Variants in DMD observed in about 807,000 individuals in gnomAD.
The protein encoded by DMD is mutant dystrophin.
In DMD, 63 loss-of-function variants were observed where a neutral mutation model predicts 330.1. That is an observed-to-expected ratio of 0.19 (90% CI 0.16 to 0.24). The LOEUF is 0.24. Among genes scored for constraint, DMD ranks in the 10% least tolerant of loss-of-function variants. The pLI is 1.00. For missense variants in DMD, 3,344 were observed against 2,684.1 expected (o/e 1.25, Z -5.43); for synonymous variants, 1,223 against 959.8 (o/e 1.27, Z -5.07).
intron 60 of DMD, among the ~76,000 whole-genome samples, chrX:31,367,313 G>C (rs955182069): frequency 2.7e-5 from 3 of 110,388 alleles, no homozygotes; most frequent in African/African-American, 9.9e-5. Flanking sequence ...ATATTGTATA[G>C]TGCCTAAGAT....
chrX:31,781,835 G>A (rs753622391), intron 50 of DMD, among the ~76,000 whole-genome samples: 1 of 111,339 alleles, frequency 9.0e-6, no homozygotes, highest in Non-Finnish European at 1.9e-5. Flanking sequence ...AATGTCTCCT[G>A]ACATTACCAA....
intron 43 of DMD, among the ~76,000 whole-genome samples, chrX:32,218,263 A>AT (rs1251573853): frequency 9.0e-6 from 1 of 111,598 alleles, no homozygotes; most frequent in African/African-American, 3.3e-5. Context: ...TGACGCTGTT[A>AT]TTTTTCAAAG....
chrX:31,416,744 TG>T (rs753362049), intron 60 of DMD, among the ~76,000 whole-genome samples: 15 of 112,184 alleles, frequency 1.3e-4, no homozygotes, highest in Non-Finnish European at 2.6e-4. Context: ...AACACATCTG[TG>T]GTTCTCCATT....
rs150866917 is a variant in DMD at position 32,118,185 on chromosome X, T to C, written c.6438+98731A>G. 4.7e-3 allele frequency among the ~76,000 whole-genome samples: 527 copies of C among 111,895 alleles called. 6 individuals carry two copies. The highest frequency in any genetic ancestry group is 0.016 in the African/African-American group (500 of 30,785). ...GTGGGGGAAGGGGACAAAATTTATA[T>C]AATAAAGTATCCTATTTTACACAGT... On this transcript the variant is annotated intron_variant, in intron 44 of 78. Coordinates refer to ENST00000357033, the MANE Select transcript of DMD (RefSeq NM_004006.3).
chrX:32,360,296 T>C (rs748651503), intron 37 of DMD, among the ~76,000 whole-genome samples: 1 of 112,323 alleles, frequency 8.9e-6, no homozygotes, highest in East Asian at 2.8e-4. Context: ...TCCCATTAGC[T>C]GATGCAATGA....
chrX:32,033,655 A>AC (rs1491277164), intron 44 of DMD, among the ~76,000 whole-genome samples: 2 of 76,931 alleles, frequency 2.6e-5, no homozygotes, highest in Non-Finnish European at 4.8e-5. Flanking sequence ...GAAAGAAAGA[A>AC]GAAAGAAAGA....
rs751171033 is a variant in DMD at position 32,703,413 on chromosome X, G to T, written c.650-4120C>A. Among the ~76,000 whole-genome samples, 4 of 111,489 alleles carry T rather than the reference G, an allele frequency of 3.6e-5. No homozygotes were observed. The East Asian group carries it at 1.1e-3, about 31-fold the overall frequency. ...TATCATTAACACAAAAACAAACCTA[G>T]TTGTAGGAGACCATTTGTATACTAT... On this transcript the variant is annotated intron_variant, in intron 7 of 78. Coordinates refer to ENST00000357033, the MANE Select transcript of DMD (RefSeq NM_004006.3).
chrX:31,646,253 TTGTGTGTG>T (rs3032279), intron 54 of DMD, among the ~76,000 whole-genome samples: 51 of 103,027 alleles, frequency 5.0e-4, no homozygotes, highest in African/African-American at 1.6e-3. Context: ...GTGTTGTGTG[TTGTGTGTG>T]TGTGTGTGTG....
At chrX:31,551,181 G>GAAAAAAAAAAAAAA (rs10659535) in intron 55 of DMD, among the ~76,000 whole-genome samples, 2 of 75,279 alleles carry the variant, frequency 2.7e-5, no homozygotes, top group Non-Finnish European at 4.9e-5. Context: ...TCCATCTCGG[G>GAAAAAAAAAAAAAA]AAAAAAAAAA....
intron 60 of DMD, among the ~76,000 whole-genome samples, chrX:31,403,069 T>C (rs1266838860): frequency 8.9e-6 from 1 of 111,865 alleles, no homozygotes; most frequent in East Asian, 2.8e-4. Context: ...GGAAAAGACA[T>C]AGAAGAATTA....
At chrX:31,246,272 A>C (rs974397142) in intron 63 of DMD, among the ~76,000 whole-genome samples, 4 of 112,111 alleles carry the variant, frequency 3.6e-5, no homozygotes, top group Admixed American at 9.4e-5. Context: ...CTGCAGAAGA[A>C]AAGTTGGAAG....
intron 37 of DMD, among the ~76,000 whole-genome samples, chrX:32,356,209 C>T (rs1395144056): frequency 9.2e-6 from 1 of 109,214 alleles, no homozygotes; most frequent in South Asian, 3.9e-4. Context: ...TTATTTTCCA[C>T]ACATAGAACC....
intron 44 of DMD, among the ~76,000 whole-genome samples, chrX:32,144,191 A>G (rs2096767709): frequency 8.9e-6 from 1 of 111,975 alleles, no homozygotes; most frequent in Admixed American, 9.5e-5. Context: ...TTGCCATAGA[A>G]TCATCTCAAA....
intron 44 of DMD, among the ~76,000 whole-genome samples, chrX:32,123,530 T>G (rs190589706): frequency 1.8e-5 from 2 of 110,275 alleles, no homozygotes; most frequent in South Asian, 7.6e-4. Context: ...GCTCTGTTTC[T>G]GAAGAAAGAG....
At chrX:31,270,035 C>T in intron 62 of DMD, among the ~76,000 whole-genome samples, 1 of 111,524 alleles carries the variant, frequency 9.0e-6, no homozygotes. Flanking sequence ...TCTTCAGGTT[C>T]CCTCCTACTG....
At chrX:32,878,265 C>T (rs942426754) in intron 2 of DMD, among the ~76,000 whole-genome samples, 2 of 110,674 alleles carry the variant, frequency 1.8e-5, no homozygotes, top group Non-Finnish European at 1.9e-5. Context: ...GTAGTCCCAG[C>T]TACTCGGGAG....
At chrX:31,604,819 C>T (rs754375587) in intron 55 of DMD, among the ~76,000 whole-genome samples, 2 of 111,367 alleles carry the variant, frequency 1.8e-5, no homozygotes, top group Non-Finnish European at 3.8e-5. Flanking sequence ...CAGCCTCCAG[C>T]GACTGTAGGT....
intron 47 of DMD, among the ~76,000 whole-genome samples, chrX:31,910,128 A>C (rs1175451267): frequency 9.0e-6 from 1 of 110,729 alleles, no homozygotes; most frequent in African/African-American, 3.2e-5. Flanking sequence ...AGGCACACAA[A>C]AAGATAGAAT....
chrX:31,207,498 C>T (rs1268462816), intron 65 of DMD, among the ~76,000 whole-genome samples: 3 of 111,635 alleles, frequency 2.7e-5, no homozygotes, highest in African/African-American at 9.8e-5. Flanking sequence ...AATATGAATG[C>T]CCATCAATGA....
Sources: gnomAD v4.1 joint callset for allele counts (sites outside exome capture counted in the v4.1 genomes callset) on GRCh38, gnomAD v4.1.1 for gene constraint, MANE v1.5 for transcripts, NCBI Gene and HGNC (gene_info 2026-07-23, HGNC 2026-07-21) for gene names.